Variants in SCG5 observed in about 807,000 individuals in gnomAD.
SCG5 encodes neuroendocrine protein 7B2.
A neutral mutation model predicts 25.7 loss-of-function variants in SCG5; 18 were observed. That is an observed-to-expected ratio of 0.70 (90% CI 0.48 to 1.04). SCG5 has a LOEUF of 1.04. Among genes scored for constraint, SCG5 ranks in the 50% least tolerant of loss-of-function variants. The probability of loss-of-function intolerance (pLI) is 0.00; values close to 1 mark genes in which losing one functional copy is unlikely to be tolerated. For synonymous variants in SCG5, 101 were observed against 91.7 expected, an observed-to-expected ratio of 1.10 and a Z score of -0.58; for missense variants, 206 against 259.8, an observed-to-expected ratio of 0.79 and a Z score of 1.42.
intron 3 of SCG5, chr15:32,684,278 A>G: frequency 2.6e-6 from 1 of 383,800 alleles, no homozygotes; most frequent in South Asian, 5.2e-5. Flanking sequence ...ACTCCACGTG[A>G]TTGCAAAGCA....
intron 2 of SCG5, among the ~76,000 whole-genome samples, chr15:32,665,495 T>C (rs994250150): frequency 3.9e-5 from 6 of 152,142 alleles, no homozygotes; most frequent in Non-Finnish European, 7.4e-5. Flanking sequence ...TTTTTTATTA[T>C]TAGGTTTACA....
At chr15:32,666,323 C>G (rs2054317641) in intron 2 of SCG5, 1 of 152,196 alleles carries the variant, frequency 6.6e-6, no homozygotes, top group African/African-American at 2.4e-5. Context: ...ACAAAAGAAA[C>G]ACATCTACTG....
chr15:32,692,403 T>A (rs2054875549), intron 5 of SCG5: 1 of 297,764 alleles, frequency 3.4e-6, no homozygotes, highest in South Asian at 1.3e-4. Flanking sequence ...CACATTTAGC[T>A]ACTTCATATA....
chr15:32,677,151 C>T (rs1024240151), intron 2 of SCG5, among the ~76,000 whole-genome samples: 6 of 152,070 alleles, frequency 3.9e-5, no homozygotes, highest in Non-Finnish European at 7.4e-5. Flanking sequence ...TACAGTTTCT[C>T]TCATTACAAA....
chr15:32,662,329 C>T (rs915040219), intron 2 of SCG5, among the ~76,000 whole-genome samples: 10 of 152,196 alleles, frequency 6.6e-5, no homozygotes, highest in Non-Finnish European at 1.3e-4. Flanking sequence ...TGCTTTCTCT[C>T]TCACTTGTTT....
chr15:32,674,425 C>T (rs2054496500), intron 2 of SCG5, among the ~76,000 whole-genome samples: 1 of 152,090 alleles, frequency 6.6e-6, no homozygotes, highest in African/African-American at 2.4e-5. Flanking sequence ...CCTACCAGTG[C>T]AACAAAAAGG....
chr15:32,666,400 C>T (rs1446401259), intron 2 of SCG5: 1 of 152,200 alleles, frequency 6.6e-6, no homozygotes, highest in South Asian at 2.1e-4. Context: ...TAGTTAACCT[C>T]GTGACTATCC....
Position 32,663,021 on chromosome 15 carries a change from TAAAAA to T in SCG5, c.227-16740_227-16736del, listed in dbSNP as rs201146500. Among the ~76,000 whole-genome samples the T allele has an allele frequency of 0.012, 1,209 of 103,294 alleles. 59 individuals carry two copies. The East Asian group carries it at 0.14, about 12-fold the overall frequency. The allele number at this position is 103,294 out of a possible 152,430, so 67.8% of individuals were successfully genotyped here. ...GCGGGGAAGAGAAGATTAGGGCTGT[TAAAAA>T]AAAAGAATATATATATATATATATA... On this transcript the variant is annotated intron_variant, in intron 2 of 5. Transcript: ENST00000300175.
chr15:32,656,915 G>A (rs1011067274), intron 2 of SCG5, among the ~76,000 whole-genome samples: 1 of 151,528 alleles, frequency 6.6e-6, no homozygotes, highest in South Asian at 2.1e-4. Flanking sequence ...TGGAGGCTGG[G>A]GGGGACTTGG....
intron 1 of SCG5, among the ~76,000 whole-genome samples, chr15:32,643,197 C>T (rs1490991054): frequency 6.6e-6 from 1 of 152,218 alleles, no homozygotes; most frequent in African/African-American, 2.4e-5. Flanking sequence ...CAAGATGCCA[C>T]TATCTCTTTC....
At chr15:32,683,344 C>A (rs1206482031) in intron 3 of SCG5, among the ~76,000 whole-genome samples, 1 of 152,136 alleles carries the variant, frequency 6.6e-6, no homozygotes, top group Non-Finnish European at 1.5e-5. Context: ...TTCACAATCC[C>A]TCCTCTGTCC....
chr15:32,662,996 G>C (rs2054246166), intron 2 of SCG5, among the ~76,000 whole-genome samples: 2 of 140,736 alleles, frequency 1.4e-5, no homozygotes, highest in Admixed American at 1.5e-4. Flanking sequence ...TGTGTGTAGA[G>C]CGGGGAAGAG....
chr15:32,670,739 C>T (rs1033844741), intron 2 of SCG5, among the ~76,000 whole-genome samples: 2 of 152,204 alleles, frequency 1.3e-5, no homozygotes. Context: ...AGAGCAAGCT[C>T]CTTGAGAGAA....
intron 2 of SCG5, among the ~76,000 whole-genome samples, chr15:32,676,362 C>A (rs1028697267): frequency 1.3e-5 from 2 of 152,174 alleles, no homozygotes; most frequent in East Asian, 3.9e-4. Flanking sequence ...ATAAGAGAAA[C>A]TGTTTGCTTC....
intron 2 of SCG5, among the ~76,000 whole-genome samples, chr15:32,645,262 T>C (rs12708484): frequency 0.95 from 144,987 of 152,296 alleles, 69,181 homozygotes; most frequent in East Asian, 1. Context: ...TGTCATGGAG[T>C]TCTCTGAGTT....
At chr15:32,663,072 T>A (rs1373771877) in intron 2 of SCG5, among the ~76,000 whole-genome samples, 6 of 55,266 alleles carry the variant, frequency 1.1e-4, no homozygotes, top group East Asian at 1.1e-3. Context: ...TATATATATA[T>A]ATATATAATA....
intron 3 of SCG5, among the ~76,000 whole-genome samples, chr15:32,680,192 C>T (rs1466789372): frequency 1.0e-5 from 1 of 100,098 alleles, no homozygotes; most frequent in African/African-American, 3.4e-5. Flanking sequence ...GCACTTGCTA[C>T]TCTTTTTTTT....
intron 4 of SCG5, among the ~76,000 whole-genome samples, chr15:32,685,279 T>A (rs111887283): frequency 5.9e-5 from 9 of 152,338 alleles, no homozygotes; most frequent in African/African-American, 1.7e-4. Context: ...TAAAAACAAG[T>A]CTTGCCAATC....
intron 3 of SCG5, among the ~76,000 whole-genome samples, chr15:32,683,559 G>A (rs2054653667): frequency 6.6e-6 from 1 of 152,162 alleles, no homozygotes; most frequent in Non-Finnish European, 1.5e-5. Flanking sequence ...TAATGGGAAG[G>A]GAACTAAAAC....
Sources: gnomAD v4.1 joint callset for allele counts (sites outside exome capture counted in the v4.1 genomes callset) on GRCh38, gnomAD v4.1.1 for gene constraint, MANE v1.5 for transcripts, NCBI Gene and HGNC (gene_info 2026-07-23, HGNC 2026-07-21) for gene names.